UNC45B: variants seen among roughly 807,000 people sequenced by gnomAD.
UNC45B encodes the protein unc-45 myosin chaperone B.
UNC45B carries 78 observed loss-of-function variants against 98.7 expected under a neutral mutation model. The ratio of observed to expected loss-of-function variants is 0.79; its 90% CI spans 0.66 to 0.95. The LOEUF (loss-of-function observed/expected upper bound fraction) is 0.95. Ranked by LOEUF, UNC45B falls within the 40% of genes least tolerant of loss-of-function variation. UNC45B has a pLI of 0.00. For missense variants in UNC45B, 1,225 were observed against 1,184.9 expected, an observed-to-expected ratio of 1.03 and a Z score of -0.50; for synonymous variants, 462 against 480.4, an observed-to-expected ratio of 0.96 and a Z score of 0.50.
intron 19 of UNC45B, 107 bp downstream of exon 19, chr17:35,183,689 C>G: frequency 1.7e-6 from 2 of 1,193,640 alleles, no homozygotes; most frequent in Non-Finnish European, 2.2e-6. Context: ...CTAAAGAAAC[C>G]CCTCGCAGCC....
In UNC45B at chr17:35,159,499, C is replaced by A. The variant is rs749979732; in HGVS notation, c.933C>A (p.Asp311Glu). 8 of 1,614,092 alleles carry A rather than the reference C, an allele frequency of 5.0e-6. No homozygotes were observed. The highest frequency in any genetic ancestry group is 6.8e-6 in the Non-Finnish European group (8 of 1,180,010). Reference protein sequence around the residue: ...NLLNKNVPRKDLAIHDNSRTI... With the variant: ...NLLNKNVPRKELAIHDNSRTI... Reference sequence around the variant, plus strand: ...TCAATAAGAATGTTCCCAGGAAGGACCTTGCCATTCATGACAACTCACGTA... The same window carrying A: ...TCAATAAGAATGTTCCCAGGAAGGAACTTGCCATTCATGACAACTCACGTA... The change falls in exon 8 of 20, where the codon GAC (aspartate) becomes GAA (glutamate). Residue 311 changes from aspartate (D) to glutamate (E), a missense_variant. Asp to Glu is a conservative substitution (Grantham distance 45). Coordinates refer to ENST00000394570, the MANE Select transcript of UNC45B (RefSeq NM_001267052.2).
intron 10 of UNC45B, among the ~76,000 whole-genome samples, chr17:35,169,452 A>G (rs1055034419): frequency 5.9e-5 from 9 of 152,176 alleles, no homozygotes; most frequent in Non-Finnish European, 1.3e-4. Context: ...GCACATCTGA[A>G]TCTGTTATCC....
intron 10 of UNC45B, 121 bp downstream of exon 10, chr17:35,168,482 G>A (rs1332527193): frequency 2.4e-6 from 2 of 835,112 alleles, no homozygotes; most frequent in African/African-American, 3.5e-5. Context: ...GGGGGCACCA[G>A]ACCCAGCCAC....
chr17:35,155,116 G>A (rs905845327), intron 6 of UNC45B, among the ~76,000 whole-genome samples, 180 bp from the exon 7 acceptor site: 1 of 152,242 alleles, frequency 6.6e-6, no homozygotes, highest in Non-Finnish European at 1.5e-5. Flanking sequence ...CTCCAGAGAT[G>A]GGCATGGCTT....
At chr17:35,157,468 C>T (rs1597910324) in intron 7 of UNC45B, among the ~76,000 whole-genome samples, 1 of 152,138 alleles carries the variant, frequency 6.6e-6, no homozygotes, top group African/African-American at 2.4e-5. Context: ...TCCCAAAGTA[C>T]TGGGATTACA....
intron 17 of UNC45B, among the ~76,000 whole-genome samples, chr17:35,179,250 C>T (rs891857862): frequency 1.3e-5 from 2 of 152,140 alleles, no homozygotes; most frequent in African/African-American, 4.8e-5. Flanking sequence ...GTTTGTAGTT[C>T]TCCTTGAAGA....
In UNC45B at chr17:35,187,262, T is replaced by A. The variant is rs1374175253; in HGVS notation, c.*703T>A. On this transcript the variant is annotated 3_prime_UTR_variant, in exon 20 of 20. Coordinates refer to ENST00000394570, the MANE Select transcript of UNC45B (RefSeq NM_001267052.2). ...GTATCTTGGCCACCCAGGGAAGGTC[T>A]GACATTGTTAGTTAGATCCAGAGTT... 1.3e-5 allele frequency: 2 copies of A among 152,290 alleles called. No homozygotes were observed. The highest frequency in any genetic ancestry group is 2.9e-5 in the Non-Finnish European group (2 of 68,050). The allele number at this position is 152,290 out of a possible 1,614,324, so 9.4% of individuals were successfully genotyped here.
rs1184920923 is a variant in UNC45B, at chr17:35,154,827, G to A, written c.639+86G>A. The stretch of plus-strand genomic sequence containing the variant: ...TGACGTGTGGTCAGGGCTGTGGCTG[G>A]CATCAATGGAACCAGATAAAAAGTC... On this transcript the variant is annotated intron_variant, in intron 6 of 19. Coordinates refer to ENST00000394570, the MANE Select transcript of UNC45B (RefSeq NM_001267052.2). 2.9e-6 allele frequency: 4 copies of A among 1,388,140 alleles called. No homozygotes were observed. In the East Asian group the frequency reaches 7.7e-5, roughly 27 times the overall value. The allele number at this position is 1,388,140 out of a possible 1,614,324, so 86.0% of individuals were successfully genotyped here.
At chr17:35,159,343 C>G in intron 7 of UNC45B, 32 bp from the exon 8 acceptor site, 1 of 1,593,910 alleles carries the variant, frequency 6.3e-7, no homozygotes, top group South Asian at 1.1e-5. Context: ...TTTCCTACCC[C>G]TCTCTACTTA....
At chr17:35,148,893 C>T (rs1032193951) in intron 2 of UNC45B, 80 bp from the exon 3 acceptor site, 4 of 1,576,422 alleles carry the variant, frequency 2.5e-6, no homozygotes, top group Non-Finnish European at 3.5e-6. Flanking sequence ...ACCCTCTCCC[C>T]ACACTGTGGG....
chr17:35,153,795 C>T (rs2092038825), intron 5 of UNC45B, among the ~76,000 whole-genome samples: 1 of 151,778 alleles, frequency 6.6e-6, no homozygotes, highest in Non-Finnish European at 1.5e-5. Context: ...CTAATCAGCC[C>T]TCTCCCCAGC....
At chr17:35,160,211 C>T (rs996070825) in intron 8 of UNC45B, among the ~76,000 whole-genome samples, 1 of 152,276 alleles carries the variant, frequency 6.6e-6, no homozygotes. Flanking sequence ...TATTTGTCTC[C>T]TGCTCAGTAA....
intron 18 of UNC45B, among the ~76,000 whole-genome samples, chr17:35,181,814 T>C (rs1285505131): frequency 6.9e-6 from 1 of 144,880 alleles, no homozygotes; most frequent in Non-Finnish European, 1.5e-5. Context: ...AAAAAGCATA[T>C]TAAAGTCAGG....
At chr17:35,150,447 G>A (rs1027834183) in intron 4 of UNC45B, among the ~76,000 whole-genome samples, 1 of 152,160 alleles carries the variant, frequency 6.6e-6, no homozygotes, top group African/African-American at 2.4e-5. Context: ...TAGAACACAG[G>A]TCTTTTAAAT....
chr17:35,155,156 C>T (rs2092049730), intron 6 of UNC45B, 140 bp from the exon 7 acceptor site: 3 of 1,000,302 alleles, frequency 3.0e-6, no homozygotes, highest in Admixed American at 5.4e-5. Context: ...GACAGAGGGG[C>T]CCATGAGGCA....
At chr17:35,163,507 C>G (rs2092116431) in intron 8 of UNC45B, among the ~76,000 whole-genome samples, 1 of 152,074 alleles carries the variant, frequency 6.6e-6, no homozygotes, top group Non-Finnish European at 1.5e-5. Flanking sequence ...TAAATAAATA[C>G]TTAATAAATA....
At chr17:35,163,093 T>C (rs2092112857) in intron 8 of UNC45B, among the ~76,000 whole-genome samples, 1 of 152,222 alleles carries the variant, frequency 6.6e-6, no homozygotes. Context: ...GTCTTGTTTT[T>C]CTCCTCTGAA....
intron 5 of UNC45B, among the ~76,000 whole-genome samples, chr17:35,153,744 A>G (rs1567754615): frequency 6.9e-6 from 1 of 145,260 alleles, no homozygotes; most frequent in Non-Finnish European, 1.5e-5. Context: ...CAAAGCCCTT[A>G]GTTGATAGTG....
At chr17:35,167,606 ACT>A (rs2092150095) in intron 9 of UNC45B, among the ~76,000 whole-genome samples, 1 of 150,152 alleles carries the variant, frequency 6.7e-6, no homozygotes, top group East Asian at 2.0e-4. Flanking sequence ...ACAGAGCAAG[ACT>A]CAGTCTCAAA....
Sources: gnomAD v4.1 joint callset for allele counts (sites outside exome capture counted in the v4.1 genomes callset) on GRCh38, gnomAD v4.1.1 for gene constraint, MANE v1.5 for transcripts, NCBI Gene and HGNC (gene_info 2026-07-23, HGNC 2026-07-21) for gene names.